Variants in DENND1A observed in about 807,000 individuals in gnomAD.
DENND1A encodes DENN domain containing 1A, also known as DENN domain-containing protein 1A.
A neutral mutation model predicts 113.7 loss-of-function variants in DENND1A; 51 were observed. That is an observed-to-expected ratio of 0.45 (90% CI 0.36 to 0.57). The LOEUF (loss-of-function observed/expected upper bound fraction) is 0.57. Among genes scored for constraint, DENND1A ranks in the 20% least tolerant of loss-of-function variants. The probability of loss-of-function intolerance (pLI) is 0.00; values close to 1 mark genes in which losing one functional copy is unlikely to be tolerated. For synonymous variants in DENND1A, 565 were observed against 570.8 expected, an observed-to-expected ratio of 0.99 and a Z score of 0.14; for missense variants, 1,258 against 1,395.9, an observed-to-expected ratio of 0.90 and a Z score of 1.57.
At chr9:123,416,347 C>A (rs1433812532) in intron 19 of DENND1A, among the ~76,000 whole-genome samples, 1 of 152,194 alleles carries the variant, frequency 6.6e-6, no homozygotes, top group Non-Finnish European at 1.5e-5. Context: ...ACACCCCCAG[C>A]TGGTAATGGG....
At chr9:123,518,380 A>G (rs2054113393) in intron 13 of DENND1A, among the ~76,000 whole-genome samples, 1 of 152,170 alleles carries the variant, frequency 6.6e-6, no homozygotes, top group South Asian at 2.1e-4. Flanking sequence ...CAACTAAGAT[A>G]TTCCCACGGA....
chr9:123,705,998 A>C (rs1370347325), intron 5 of DENND1A, among the ~76,000 whole-genome samples: 1 of 152,178 alleles, frequency 6.6e-6, no homozygotes, highest in Non-Finnish European at 1.5e-5. Context: ...TCAGATGAGA[A>C]ATGCAGTATG....
intron 2 of DENND1A, among the ~76,000 whole-genome samples, chr9:123,825,406 T>C (rs1839159766): frequency 6.6e-6 from 1 of 152,070 alleles, no homozygotes; most frequent in South Asian, 2.1e-4. Flanking sequence ...ACCCATTCTG[T>C]AATGGATGCT....
At chr9:123,434,515 C>T (rs2046373417) in intron 19 of DENND1A, among the ~76,000 whole-genome samples, 1 of 152,232 alleles carries the variant, frequency 6.6e-6, no homozygotes, top group African/African-American at 2.4e-5. Context: ...TAAACATCCA[C>T]ACCAATAATA....
At chr9:123,586,696 C>G (rs2059181782) in intron 11 of DENND1A, among the ~76,000 whole-genome samples, 1 of 152,134 alleles carries the variant, frequency 6.6e-6, no homozygotes, top group Admixed American at 6.5e-5. Context: ...TGGACAGTGC[C>G]CGGTCCCCCA....
At chr9:123,446,784 CAG>C (rs2047337821) in intron 18 of DENND1A, among the ~76,000 whole-genome samples, 1 of 151,766 alleles carries the variant, frequency 6.6e-6, no homozygotes, top group African/African-American at 2.4e-5. Context: ...CACTGGGAGA[CAG>C]AGTGAGACCC....
chr9:123,573,360 T>G (rs1363819313), intron 12 of DENND1A, among the ~76,000 whole-genome samples: 1 of 152,160 alleles, frequency 6.6e-6, no homozygotes, highest in Non-Finnish European at 1.5e-5. Context: ...ATTGAATCTA[T>G]AGATCAATTT....
chr9:123,598,079 A>T (rs1490153827), intron 11 of DENND1A, among the ~76,000 whole-genome samples: 3 of 152,204 alleles, frequency 2.0e-5, no homozygotes, highest in Non-Finnish European at 2.9e-5. Context: ...CTGACCTTTC[A>T]ACCCTTTGAT....
chr9:123,558,718 G>C (rs2136068351), intron 12 of DENND1A, among the ~76,000 whole-genome samples: 1 of 152,334 alleles, frequency 6.6e-6, no homozygotes, highest in South Asian at 2.1e-4. Flanking sequence ...TCAACATCAA[G>C]CTTCCCGGAC....
intron 5 of DENND1A, chr9:123,751,912 C>A (rs928776362): frequency 2.0e-5 from 3 of 152,176 alleles, no homozygotes; most frequent in Admixed American, 1.3e-4. Context: ...CTTTGAAGAA[C>A]CTTACACATA....
At chr9:123,587,845 A>C (rs947382988) in intron 11 of DENND1A, among the ~76,000 whole-genome samples, 3 of 152,232 alleles carry the variant, frequency 2.0e-5, no homozygotes, top group African/African-American at 4.8e-5. Context: ...GTCTGACCCC[A>C]AAGCTGACTT....
At chr9:123,538,805 C>CATATATATATATAT (rs1169598985) in intron 13 of DENND1A, among the ~76,000 whole-genome samples, 2 of 50,088 alleles carry the variant, frequency 4.0e-5, no homozygotes, top group Non-Finnish European at 3.7e-5. Context: ...GGTGACAACT[C>CATATATATATATAT]ATACATATAT....
intron 5 of DENND1A, among the ~76,000 whole-genome samples, chr9:123,716,885 C>T (rs369846933): frequency 1.3e-4 from 20 of 152,122 alleles, no homozygotes; most frequent in African/African-American, 4.8e-4. Flanking sequence ...ATAAACAATG[C>T]CAACATTTTT....
intron 18 of DENND1A, among the ~76,000 whole-genome samples, chr9:123,449,593 T>A (rs968412936): frequency 2.0e-5 from 3 of 150,816 alleles, no homozygotes; most frequent in African/African-American, 7.3e-5. Context: ...ATGGCATTCA[T>A]AATAATATAA....
intron 13 of DENND1A, among the ~76,000 whole-genome samples, chr9:123,472,552 C>A (rs892091439): frequency 1.3e-5 from 2 of 152,126 alleles, no homozygotes; most frequent in South Asian, 4.1e-4. Flanking sequence ...CGGTACACCC[C>A]GCCCAGCCCT....
chr9:123,427,865 G>A (rs557148240), intron 19 of DENND1A, among the ~76,000 whole-genome samples: 73 of 152,316 alleles, frequency 4.8e-4, no homozygotes, highest in African/African-American at 1.3e-3. Flanking sequence ...CGTGCCTTGC[G>A]TGGGAGTTAC....
At chr9:123,543,377 T>C (rs1267202521) in intron 13 of DENND1A, among the ~76,000 whole-genome samples, 2 of 152,244 alleles carry the variant, frequency 1.3e-5, no homozygotes, top group Non-Finnish European at 2.9e-5. Flanking sequence ...TGTTAATGTA[T>C]TTAAAAAGTT....
At chr9:123,485,666 A>ACGCGCG (rs1481625776) in intron 13 of DENND1A, 2 of 27,658 alleles carry the variant, frequency 7.2e-5, no homozygotes, top group Non-Finnish European at 3.3e-4. Context: ...GCACACACAC[A>ACGCGCG]CACACACACA....
At chr9:123,814,729 T>C (rs1019943083) in intron 2 of DENND1A, among the ~76,000 whole-genome samples, 1 of 152,168 alleles carries the variant, frequency 6.6e-6, no homozygotes, top group Non-Finnish European at 1.5e-5. Flanking sequence ...TAAAAAAACA[T>C]TACTCTCCAA....
Sources: allele counts gnomAD v4.1 joint callset (sites outside exome capture counted in the v4.1 genomes callset), GRCh38; gene constraint gnomAD v4.1.1; transcripts MANE v1.5; gene names NCBI Gene and HGNC (gene_info 2026-07-23, HGNC 2026-07-21).